F2RL1: variants seen among roughly 807,000 people sequenced by gnomAD.
F2RL1 encodes F2R like trypsin receptor 1, also known as proteinase-activated receptor 2.
A neutral mutation model predicts 21.7 loss-of-function variants in F2RL1; 16 were observed. The observed-to-expected ratio is 0.74, with a 90% CI of 0.50 to 1.12. F2RL1 has a LOEUF of 1.12. F2RL1 is among the 50% of genes most tolerant of loss of function. The pLI, the probability that F2RL1 is intolerant of heterozygous loss-of-function variation, is 0.00. For synonymous variants in F2RL1, 181 were observed against 186.7 expected (o/e 0.97, Z 0.25); for missense variants, 432 against 477.8 (o/e 0.90, Z 0.89).
At chr5:76,832,649 A>G in intron 1 of F2RL1, 41 bp from the exon 2 acceptor site, 1 of 1,526,658 alleles carries the variant, frequency 6.6e-7, no homozygotes, top group Non-Finnish European at 8.8e-7. Context: ...CTGCTGAAAC[A>G]TTTATTTCTG....
In F2RL1 at chr5:76,833,685, C is replaced by A; in HGVS notation, c.1078C>A (p.Leu360Ile). The change falls in exon 2 of 2, where the codon CTT becomes ATT. Residue 360 changes from leucine to isoleucine, a missense_variant. Physicochemically the swap from Leu to Ile is conservative, Grantham distance 5. Transcript: ENST00000296677. Reference sequence around the variant, plus strand: ...CAGGGATCATGCAAAGAACGCTCTCCTTTGCCGAAGTGTCCGCACTGTAAA... The same window carrying A: ...CAGGGATCATGCAAAGAACGCTCTCATTTGCCGAAGTGTCCGCACTGTAAA... Reference protein sequence around the residue: ...DFRDHAKNALLCRSVRTVKQM... With the variant: ...DFRDHAKNALICRSVRTVKQM... 1 of 1,614,004 alleles carries A rather than the reference C, an allele frequency of 6.2e-7. No individual in the cohort carries two copies. The highest frequency in any genetic ancestry group is 8.5e-7 in the Non-Finnish European group (1 of 1,180,008).
intron 1 of F2RL1, 135 bp from the exon 2 acceptor site, chr5:76,832,555 C>T: frequency 1.1e-6 from 1 of 912,812 alleles, no homozygotes; most frequent in South Asian, 1.8e-5. Context: ...CCACTACGCT[C>T]CAGCCTGGGT....
intron 1 of F2RL1, among the ~76,000 whole-genome samples, chr5:76,824,134 T>C (rs1750194254): frequency 7.0e-6 from 1 of 142,790 alleles, no homozygotes; most frequent in South Asian, 2.2e-4. Flanking sequence ...TATAGGGGGG[T>C]AATTGAACTA....
intron 1 of F2RL1, among the ~76,000 whole-genome samples, chr5:76,823,853 C>G (rs1236109219): frequency 6.8e-6 from 1 of 146,064 alleles, no homozygotes; most frequent in Non-Finnish European, 1.5e-5. Flanking sequence ...TGCCGTGTCG[C>G]CCAGGCTGGA....
rs779273375 is a variant in F2RL1, at chr5:76,833,279, G to A, written c.672G>A (p.Thr224=). Residue 224 remains threonine, a synonymous_variant, in exon 2 of 2, where the codon ACG becomes ACA. Coordinates refer to ENST00000296677, the MANE Select transcript of F2RL1 (RefSeq NM_005242.6). The part of the protein sequence containing the change: ...QTIFIPALNI[T]TCHDVLPEQL... ...TCTTCATTCCTGCCCTGAACATCAC[G>A]ACCTGTCATGATGTTTTGCCTGAGC... The A allele has an allele frequency of 2.0e-5, 32 of 1,613,376 alleles. No homozygotes were observed. Among genetic ancestry groups the A allele is most frequent in the Admixed American group, 3.3e-5 (2 of 59,952 alleles).
At chr5:76,829,932 G>A (rs768178391) in intron 1 of F2RL1, among the ~76,000 whole-genome samples, 8 of 151,954 alleles carry the variant, frequency 5.3e-5, no homozygotes, top group Non-Finnish European at 8.8e-5. Flanking sequence ...TCTTTTTGAA[G>A]AATTATATAA....
At chr5:76,822,628 G>A (rs2150604638) in intron 1 of F2RL1, among the ~76,000 whole-genome samples, 1 of 152,282 alleles carries the variant, frequency 6.6e-6, no homozygotes, top group Admixed American at 6.5e-5. Flanking sequence ...TGATGTTTTA[G>A]TAAATCTGTA....
At chr5:76,821,788 C>G (rs550293982) in intron 1 of F2RL1, among the ~76,000 whole-genome samples, 7 of 151,996 alleles carry the variant, frequency 4.6e-5, no homozygotes, top group Non-Finnish European at 8.8e-5. Context: ...CCATATTGGT[C>G]AGGCTGATCT....
At chr5:76,823,186 T>C (rs1311402369) in intron 1 of F2RL1, among the ~76,000 whole-genome samples, 13 of 149,718 alleles carry the variant, frequency 8.7e-5, no homozygotes, top group Admixed American at 1.3e-4. Context: ...GCCGAGATCG[T>C]GCCTCTGCAC....
At position 76,833,678 on chromosome 5, in the gene F2RL1, C is replaced by T. The variant is rs754604267; in HGVS notation, c.1071C>T (p.Asn357=). 2.4e-5 allele frequency: 38 copies of T among 1,613,896 alleles called. No individual in the cohort carries two copies. Among genetic ancestry groups the T allele is most frequent in the South Asian group, 4.4e-5 (4 of 91,086 alleles). ...VSHDFRDHAK[N]ALLCRSVRTV... is the part of the protein sequence containing the mutation. ...ATGATTTCAGGGATCATGCAAAGAACGCTCTCCTTTGCCGAAGTGTCCGCA... is the reference window on the plus strand; with the variant it reads ...ATGATTTCAGGGATCATGCAAAGAATGCTCTCCTTTGCCGAAGTGTCCGCA... Residue 357 remains asparagine, a synonymous_variant, in exon 2 of 2, where the codon AAC becomes AAT. Transcript: ENST00000296677.
At position 76,832,813 on chromosome 5, in the gene F2RL1, T is replaced by C; in HGVS notation, c.206T>C (p.Leu69Pro). 1 of 1,614,260 alleles carries C rather than the reference T, an allele frequency of 6.2e-7. No homozygotes were observed. Among genetic ancestry groups the C allele is most frequent in the Non-Finnish European group, 8.5e-7 (1 of 1,180,042 alleles). The change falls in exon 2 of 2, where the codon CTC (leucine) becomes CCC (proline). Residue 69 changes from leucine (L) to proline (P), a missense_variant. By Grantham distance (98) the Leu-to-Pro change is moderately conservative. Coordinates refer to ENST00000296677, the MANE Select transcript of F2RL1 (RefSeq NM_005242.6). ...FSVDEFSASV[L>P]TGKLTTVFLP... ...GTGGATGAGTTTTCTGCATCTGTCCTCACTGGAAAACTGACCACTGTCTTC... is the reference window on the plus strand; with the variant it reads ...GTGGATGAGTTTTCTGCATCTGTCCCCACTGGAAAACTGACCACTGTCTTC...
At chr5:76,820,482 A>G (rs1002522246) in intron 1 of F2RL1, among the ~76,000 whole-genome samples, 2 of 152,020 alleles carry the variant, frequency 1.3e-5, no homozygotes, top group Non-Finnish European at 2.9e-5. Context: ...AAGCTTGAAA[A>G]CTGTGCACCG....
intron 1 of F2RL1, among the ~76,000 whole-genome samples, chr5:76,819,652 A>G (rs957046577): frequency 6.6e-6 from 1 of 152,112 alleles, no homozygotes; most frequent in African/African-American, 2.4e-5. Flanking sequence ...GTTGCTTTGT[A>G]AACACTAAGT....
Position 76,831,571 on chromosome 5 carries a change from TC to T in F2RL1, c.83-1118del, listed in dbSNP as rs1378418166. ...TTTTTTTTGACTGAGGCTCGCTCTG[TC>T]ACCCAGGCTGAAGTGCAGTGGCATG... On this transcript the variant is annotated intron_variant, in intron 1 of 1. Coordinates refer to ENST00000296677, the MANE Select transcript of F2RL1 (RefSeq NM_005242.6). Among the ~76,000 whole-genome samples, 3 of 147,678 alleles carry T rather than the reference TC, an allele frequency of 2.0e-5. No homozygotes were observed. In the Admixed American group the frequency reaches 2.1e-4, roughly 10 times the overall value.
intron 1 of F2RL1, among the ~76,000 whole-genome samples, chr5:76,825,865 TA>T (rs111588892): frequency 0.012 from 1,839 of 151,976 alleles, 50 homozygotes; most frequent in African/African-American, 0.042. Flanking sequence ...AGTTCCTTTT[TA>T]AAAAAAAATT....
intron 1 of F2RL1, among the ~76,000 whole-genome samples, chr5:76,825,257 G>A (rs974441794): frequency 2.0e-5 from 3 of 151,788 alleles, no homozygotes; most frequent in East Asian, 1.9e-4. Flanking sequence ...CACCCGCCTC[G>A]GCCTCCCAAA....
chr5:76,831,534 G>GTTTT (rs1750347699), intron 1 of F2RL1, among the ~76,000 whole-genome samples: 1 of 84,200 alleles, frequency 1.2e-5, no homozygotes, highest in African/African-American at 5.2e-5. Context: ...TTCCTAAACT[G>GTTTT]ATTTTTTTTT....
chr5:76,821,450 A>C lies in F2RL1; in HGVS notation c.82+2186A>C, dbSNP rs188215084. Among the ~76,000 whole-genome samples, 3 of 152,140 alleles carry C rather than the reference A, an allele frequency of 2.0e-5. No homozygotes were observed. The East Asian group carries it at 5.8e-4, about 29-fold the overall frequency. On this transcript the variant is annotated intron_variant, in intron 1 of 1. Transcript: ENST00000296677. The stretch of plus-strand genomic sequence containing the variant: ...GGTCCATGTGGTGTTCATTTCAGTC[A>C]GCTTCTCTCTGCCACTTACTTATTT...
At chr5:76,832,008 T>TAA (rs1295112161) in intron 1 of F2RL1, among the ~76,000 whole-genome samples, 1 of 133,186 alleles carries the variant, frequency 7.5e-6, no homozygotes, top group Non-Finnish European at 1.6e-5. Flanking sequence ...ACCCCATCTC[T>TAA]AAAAAAAAAA....
Sources: allele counts gnomAD v4.1 joint callset (sites outside exome capture counted in the v4.1 genomes callset), GRCh38; gene constraint gnomAD v4.1.1; transcripts MANE v1.5; gene names NCBI Gene and HGNC (gene_info 2026-07-23, HGNC 2026-07-21).